ESRRG: variants seen among roughly 807,000 people sequenced by gnomAD.
ESRRG encodes the protein estrogen related receptor gamma.
Under a neutral mutation model 44.0 loss-of-function variants are expected in ESRRG, and 13 were observed. The observed-to-expected ratio is 0.30, with a 90% CI of 0.19 to 0.47. ESRRG has a LOEUF of 0.47. Among genes scored for constraint, ESRRG ranks in the 20% least tolerant of loss-of-function variants. The probability of loss-of-function intolerance (pLI) is 1.00; values close to 1 mark genes in which losing one functional copy is unlikely to be tolerated. For missense variants in ESRRG, 395 were observed against 580.6 expected (o/e 0.68, Z 3.29); for synonymous variants, 215 against 214.6 (o/e 1.00, Z -0.02).
At chr1:217,012,948 T>C (rs1034937973) in intron 1 of ESRRG, among the ~76,000 whole-genome samples, 2 of 152,124 alleles carry the variant, frequency 1.3e-5, no homozygotes, top group African/African-American at 4.8e-5. Flanking sequence ...CTGAGGGTTG[T>C]GAGAAAATGT....
intron 1 of ESRRG, among the ~76,000 whole-genome samples, chr1:217,100,546 T>C (rs924229071): frequency 6.6e-6 from 1 of 152,238 alleles, no homozygotes; most frequent in Non-Finnish European, 1.5e-5. Context: ...AGCCCATTTC[T>C]GCATTGCTGT....
chr1:216,581,116 CAT>C (rs777008589), intron 3 of ESRRG, among the ~76,000 whole-genome samples: 4 of 152,074 alleles, frequency 2.6e-5, no homozygotes, highest in East Asian at 1.9e-4. Flanking sequence ...GACTAAATAA[CAT>C]ATTTTGAAAG....
intron 1 of ESRRG, among the ~76,000 whole-genome samples, chr1:217,030,040 A>G (rs2081829945): frequency 6.6e-6 from 1 of 152,200 alleles, no homozygotes; most frequent in Admixed American, 6.5e-5. Context: ...ACACTGTACT[A>G]CAGCCCTAGA....
At chr1:216,669,397 T>C (rs1445827067) in intron 2 of ESRRG, among the ~76,000 whole-genome samples, 1 of 152,212 alleles carries the variant, frequency 6.6e-6, no homozygotes, top group Non-Finnish European at 1.5e-5. Flanking sequence ...ATTCATATAG[T>C]ACTTCTTCAC....
chr1:216,833,799 G>A (rs2095522342), intron 2 of ESRRG, among the ~76,000 whole-genome samples: 1 of 152,158 alleles, frequency 6.6e-6, no homozygotes, highest in Admixed American at 6.5e-5. Context: ...CCAGCATTGT[G>A]CTACCCATGC....
chr1:217,039,908 T>A (rs915251204), intron 1 of ESRRG, among the ~76,000 whole-genome samples: 1 of 152,088 alleles, frequency 6.6e-6, no homozygotes, highest in Admixed American at 6.6e-5. Flanking sequence ...CACAAAGTAA[T>A]CAACATAACT....
At chr1:216,874,837 A>C (rs916116777) in intron 2 of ESRRG, among the ~76,000 whole-genome samples, 1 of 152,180 alleles carries the variant, frequency 6.6e-6, no homozygotes, top group Non-Finnish European at 1.5e-5. Flanking sequence ...ATGGAAGAGC[A>C]GACTTGCTGA....
In ESRRG at chr1:216,905,896, A is replaced by C. The variant is rs138463674; in HGVS notation, c.-14+33686T>G. Among the ~76,000 whole-genome samples the C allele has an allele frequency of 3.2e-3, 494 of 152,236 alleles. 3 individuals carry two copies. Among genetic ancestry groups the C allele is most frequent in the Middle Eastern group, 0.01 (3 of 294 alleles). ...CTCCTGAGTACCTGGGACTACAGGC[A>C]CATGCCACTACGCCCTGCTAATTTT... is the stretch of plus-strand genomic sequence containing the variant. On this transcript the variant is annotated intron_variant, in intron 2 of 7. Coordinates refer to the ESRRG transcript ENST00000359162.
intron 1 of ESRRG, among the ~76,000 whole-genome samples, chr1:217,079,837 A>G (rs1304946720): frequency 5.3e-5 from 8 of 152,272 alleles, no homozygotes; most frequent in African/African-American, 1.9e-4. Context: ...CATGGTCTCT[A>G]CCCTCAAGTG....
chr1:217,051,208 G>GC (rs1553259270), intron 1 of ESRRG, among the ~76,000 whole-genome samples: 15 of 127,468 alleles, frequency 1.2e-4, no homozygotes, highest in African/African-American at 3.1e-4. Context: ...TGGGGGCGGG[G>GC]GGGGGGGGTG....
chr1:216,919,442 G>A (rs959162116), intron 2 of ESRRG, among the ~76,000 whole-genome samples: 19 of 152,146 alleles, frequency 1.2e-4, no homozygotes, highest in African/African-American at 4.6e-4. Context: ...CAATCATACA[G>A]CTAGAACACT....
chr1:217,010,361 G>A (rs888634723), intron 1 of ESRRG, among the ~76,000 whole-genome samples: 2 of 152,092 alleles, frequency 1.3e-5, no homozygotes, highest in African/African-American at 4.8e-5. Context: ...ACTCACAAAT[G>A]CAGCTGAAAT....
intron 2 of ESRRG, among the ~76,000 whole-genome samples, chr1:216,775,865 A>T (rs2152414102): frequency 6.6e-6 from 1 of 151,606 alleles, no homozygotes; most frequent in East Asian, 2.0e-4. Context: ...GTGCCAAGCT[A>T]TTTTTTTATA....
intron 3 of ESRRG, among the ~76,000 whole-genome samples, chr1:216,645,042 G>A (rs1045822435): frequency 1.1e-4 from 17 of 152,104 alleles, no homozygotes; most frequent in Admixed American, 5.2e-4. Flanking sequence ...ATATTGACAA[G>A]AGCTGGAAGG....
chr1:217,019,313 G>A (rs1247355314), intron 1 of ESRRG, among the ~76,000 whole-genome samples: 1 of 152,182 alleles, frequency 6.6e-6, no homozygotes, highest in Admixed American at 6.5e-5. Flanking sequence ...AAAGCTTTCA[G>A]AGAGAGAAAA....
intron 2 of ESRRG, among the ~76,000 whole-genome samples, chr1:216,866,792 G>T (rs1212300579): frequency 1.3e-5 from 2 of 151,770 alleles, no homozygotes; most frequent in African/African-American, 4.8e-5. Flanking sequence ...CCTCCACGTG[G>T]CCTTTCTTAC....
intron 1 of ESRRG, among the ~76,000 whole-genome samples, chr1:216,988,825 C>T (rs1049270911): frequency 6.6e-6 from 1 of 152,038 alleles, no homozygotes; most frequent in African/African-American, 2.4e-5. Context: ...TTACCACAGC[C>T]CCAAGGAGAA....
chr1:216,692,719 C>T (rs1428708824), intron 1 of ESRRG, among the ~76,000 whole-genome samples: 2 of 152,164 alleles, frequency 1.3e-5, no homozygotes, highest in Admixed American at 6.5e-5. Context: ...TCCAGTCATG[C>T]TCAGTGTCCT....
intron 2 of ESRRG, among the ~76,000 whole-genome samples, chr1:216,880,073 C>T (rs1252307702): frequency 2.0e-5 from 3 of 151,686 alleles, no homozygotes; most frequent in Middle Eastern, 3.2e-3. Flanking sequence ...TTTGGGAGTT[C>T]GAGGCGGTTG....
Sources: allele counts gnomAD v4.1 joint callset (sites outside exome capture counted in the v4.1 genomes callset), GRCh38; gene constraint gnomAD v4.1.1; transcripts MANE v1.5; gene names NCBI Gene and HGNC (gene_info 2026-07-23, HGNC 2026-07-21).